C9orf72: variants seen among roughly 807,000 people sequenced by gnomAD.
C9orf72 encodes the protein C9orf72-SMCR8 complex subunit.
In C9orf72, 44 loss-of-function variants were observed where a neutral mutation model predicts 51.6. The observed-to-expected ratio is 0.85, with a 90% confidence interval of 0.67 to 1.10. C9orf72 has a LOEUF of 1.10. Among genes scored for constraint, C9orf72 ranks in the 50% least tolerant of loss-of-function variants. C9orf72 has a pLI of 0.00. For missense variants in C9orf72, 607 were observed against 570.6 expected, an observed-to-expected ratio of 1.06 and a Z score of -0.65; for synonymous variants, 213 against 194.2, an observed-to-expected ratio of 1.10 and a Z score of -0.81.
At chr9:27,570,258 TG>T (rs1159976330) in intron 1 of C9orf72, among the ~76,000 whole-genome samples, 2 of 152,158 alleles carry the variant, frequency 1.3e-5, no homozygotes, top group Non-Finnish European at 2.9e-5. Flanking sequence ...TGAATTGAAA[TG>T]GTAATGACAC....
chr9:27,560,873 T>A (rs1022632500), intron 5 of C9orf72: 1 of 661,714 alleles, frequency 1.5e-6, no homozygotes, highest in Admixed American at 6.3e-5. Flanking sequence ...TATAAGATAA[T>A]ACATGTAAAG....
upstream of C9orf72, chr9:27,573,509 G>A (rs1364417952): frequency 1.2e-4 from 8 of 65,484 alleles, no homozygotes; most frequent in Admixed American, 3.4e-4. Context: ...CCGCCCCCGG[G>A]CCCGCCCCGA....
At chr9:27,559,560 A>ATTTCC (rs1819291196) in intron 6 of C9orf72, 2 of 152,164 alleles carry the variant, frequency 1.3e-5, no homozygotes, top group South Asian at 4.1e-4. Flanking sequence ...TTTCCAACAT[A>ATTTCC]TTTCCTATGT....
intron 8 of C9orf72, among the ~76,000 whole-genome samples, chr9:27,555,965 A>C (rs1394593776): frequency 6.6e-6 from 1 of 151,542 alleles, no homozygotes; most frequent in Admixed American, 6.6e-5. Context: ...TAGATTTATC[A>C]TCATCATTTT....
intron 3 of C9orf72, among the ~76,000 whole-genome samples, chr9:27,564,156 C>CAAAAAAAAAAAAAAAAAAAAAA (rs11438223): frequency 2.3e-5 from 2 of 86,726 alleles, no homozygotes; most frequent in Non-Finnish European, 4.5e-5. Flanking sequence ...TCAACAACAC[C>CAAAAAAAAAAAAAAAAAAAAAA]AAAAAAAAAA....
intron 2 of C9orf72, among the ~76,000 whole-genome samples, chr9:27,566,273 G>C (rs1047883462): frequency 2.6e-5 from 4 of 152,126 alleles, no homozygotes; most frequent in Admixed American, 2.0e-4. Flanking sequence ...AGGTTAAAGA[G>C]ACCAAAGGCT....
At chr9:27,563,077 G>A (rs1009071161) in intron 3 of C9orf72, among the ~76,000 whole-genome samples, 37 of 151,960 alleles carry the variant, frequency 2.4e-4, no homozygotes, top group Non-Finnish European at 4.6e-4. Flanking sequence ...ATTTAAAAAT[G>A]AGGAAAACCA....
At chr9:27,573,523 C>CGCCCCCGGCCCCG (rs1554662381), upstream of C9orf72, 1 of 142,348 alleles carries the variant, frequency 7.0e-6, no homozygotes, top group Non-Finnish European at 1.6e-5. Flanking sequence ...GCCCCGACCA[C>CGCCCCCGGCCCCG]GCCCCGGCCC....
At position 27,566,832 on chromosome 9, in the gene C9orf72, A is replaced by G; in HGVS notation, c.289T>C (p.Leu97=). ...LSEKGVIIVS[L]IFDGNWNGDR... is the part of the protein sequence containing the mutation. ...CCATTCCAGTTTCCATCAAAGATTAATGAAACAATAATCACTCCCTTTTCA... is the reference window on the plus strand; with the variant it reads ...CCATTCCAGTTTCCATCAAAGATTAGTGAAACAATAATCACTCCCTTTTCA... Residue 97 remains leucine (L), a synonymous_variant, in exon 2 of 11, where the codon TTA becomes CTA. Coordinates refer to ENST00000380003, the MANE Select transcript of C9orf72 (RefSeq NM_018325.5). The G allele has an allele frequency of 6.2e-7, 1 of 1,613,986 alleles. No homozygotes were observed. The highest frequency in any genetic ancestry group is 1.1e-5 in the South Asian group (1 of 91,076).
In C9orf72 at chr9:27,573,474, C is replaced by A. The variant is rs1295931690; in HGVS notation, c.-88G>T. On this transcript the variant is annotated 5_prime_UTR_variant, in exon 1 of 11. Transcript: ENST00000380003. ...GCCTCCGCCGCCGCGGGCGCAGGCA[C>A]CGCAACCGCAGCCCCGCCCCGGGCC... The A allele has an allele frequency of 6.7e-6, 1 of 148,990 alleles. No homozygotes were observed. The highest frequency in any genetic ancestry group is 2.4e-5 in the African/African-American group (1 of 40,932). The allele number at this position is 148,990 out of a possible 1,614,324, so 9.2% of individuals were successfully genotyped here.
rs1180047818 is a variant in C9orf72 at position 27,556,341 on chromosome 9, T to G, written c.1091+220A>C. 1.2e-5 allele frequency: 7 copies of G among 570,210 alleles called. No individual in the cohort carries two copies. The Admixed American group carries it at 1.5e-4, about 12-fold the overall frequency. 35.3% of individuals were successfully genotyped at this position (570,210 alleles called of 1,614,324 possible). A position where few individuals can be genotyped will look rare whatever the true frequency, so the allele number is the denominator to read the frequency against. On this transcript the variant is annotated intron_variant, in intron 8 of 10. Coordinates refer to ENST00000380003, the MANE Select transcript of C9orf72 (RefSeq NM_018325.5). ...TATTTATTAAACAAATAGTTAAATA[T>G]TTACTTTAAGGGTTAATCTTACCTA...
At position 27,561,595 on chromosome 9, in the gene C9orf72, A is replaced by G; in HGVS notation, c.655T>C (p.Phe219Leu). 1 of 1,612,578 alleles carries G rather than the reference A, an allele frequency of 6.2e-7. No homozygotes were observed. ...DDIGDSCHEGFLLNAISSHLQ... is the reference protein window; with the variant it reads ...DDIGDSCHEGLLLNAISSHLQ... ...AAGAAAAATTCTTACTTGAGAAGAAAGCCTTCATGACAGCTGTCACCAATA... is the reference window on the plus strand; with the variant it reads ...AAGAAAAATTCTTACTTGAGAAGAAGGCCTTCATGACAGCTGTCACCAATA... Residue 219 changes from phenylalanine to leucine, a missense_variant, in exon 5 of 11, where the codon TTT becomes CTT. By Grantham distance (22) the Phe-to-Leu change is conservative (BLOSUM62 0). Coordinates refer to ENST00000380003, the MANE Select transcript of C9orf72 (RefSeq NM_018325.5).
At chr9:27,570,867 T>G (rs893233389) in intron 1 of C9orf72, among the ~76,000 whole-genome samples, 1 of 147,188 alleles carries the variant, frequency 6.8e-6, no homozygotes. Flanking sequence ...AGACTCTGCC[T>G]CAAGAAAAAA....
At chr9:27,568,606 A>G (rs72710403) in intron 1 of C9orf72, among the ~76,000 whole-genome samples, 14,187 of 152,250 alleles carry the variant, frequency 0.093, 862 homozygotes, top group Non-Finnish European at 0.13. Flanking sequence ...TCAATGGTAG[A>G]CTGCATATAT....
chr9:27,562,357 A>G (rs777758488), intron 4 of C9orf72, 24 bp downstream of exon 4: 3 of 1,287,942 alleles, frequency 2.3e-6, no homozygotes, highest in African/African-American at 1.5e-5. Flanking sequence ...CATAAAGTGT[A>G]TAATTGCTCT....
chr9:27,557,603 A>C (rs112616482), intron 7 of C9orf72, among the ~76,000 whole-genome samples: 3,250 of 152,210 alleles, frequency 0.021, 57 homozygotes, highest in Middle Eastern at 0.048. Flanking sequence ...TATATAATTA[A>C]ATGAGAGGGT....
At position 27,554,134 on chromosome 9, in the gene C9orf72, C is replaced by G. The variant is rs183098946; in HGVS notation, c.1091+2427G>C. ...ATTTCTCAAATAACTGAAAATAGAA[C>G]TACCATTCACCCTAGCAACCCCATT... On this transcript the variant is annotated intron_variant, in intron 8 of 10. Coordinates refer to ENST00000380003, the MANE Select transcript of C9orf72 (RefSeq NM_018325.5). Among the ~76,000 whole-genome samples, 25 of 152,254 alleles carry G rather than the reference C, an allele frequency of 1.6e-4. No homozygotes were observed. The East Asian group carries it at 4.6e-3, about 28-fold the overall frequency.
chr9:27,568,357 G>A (rs1318108421), intron 1 of C9orf72, among the ~76,000 whole-genome samples: 2 of 152,128 alleles, frequency 1.3e-5, no homozygotes, highest in Non-Finnish European at 2.9e-5. Context: ...AGAACACGTA[G>A]AAAACAGAAG....
chr9:27,564,156 CAAAA>C (rs11438223), intron 3 of C9orf72, among the ~76,000 whole-genome samples: 4 of 86,720 alleles, frequency 4.6e-5, no homozygotes, highest in East Asian at 7.3e-4. Flanking sequence ...TCAACAACAC[CAAAA>C]AAAAAAAAAA....
Sources: gnomAD v4.1 joint callset for allele counts (sites outside exome capture counted in the v4.1 genomes callset) on GRCh38, gnomAD v4.1.1 for gene constraint, MANE v1.5 for transcripts, NCBI Gene and HGNC (gene_info 2026-07-23, HGNC 2026-07-21) for gene names.